MALRD1: variants seen among roughly 807,000 people sequenced by gnomAD.
The protein encoded by MALRD1 is MAM and LDL-receptor class A domain-containing protein 1.
A neutral mutation model predicts 242.1 loss-of-function variants in MALRD1; 247 were observed. The ratio of observed to expected loss-of-function variants is 1.02; its 90% CI spans 0.92 to 1.13. MALRD1 has a LOEUF of 1.13. Among genes scored for constraint, MALRD1 ranks in the 50% most tolerant of loss-of-function variants. MALRD1 has a pLI of 0.00. For missense variants in MALRD1, 2,989 were observed against 2,533.1 expected (o/e 1.18, Z -3.86); for synonymous variants, 995 against 866.6 (o/e 1.15, Z -2.60).
chr10:19,312,883 G>A (rs1367479622), intron 21 of MALRD1, among the ~76,000 whole-genome samples: 1 of 151,486 alleles, frequency 6.6e-6, no homozygotes, highest in African/African-American at 2.4e-5. Context: ...ATGAAGGGCA[G>A]GGAAACGATC....
chr10:19,360,483 A>G (rs1363911236), intron 26 of MALRD1, among the ~76,000 whole-genome samples: 1 of 152,038 alleles, frequency 6.6e-6, no homozygotes, highest in Non-Finnish European at 1.5e-5. Flanking sequence ...TCATTATGGC[A>G]GCTAGATTGT....
At chr10:19,102,758 C>T (rs1030416347) in intron 4 of MALRD1, among the ~76,000 whole-genome samples, 1 of 152,120 alleles carries the variant, frequency 6.6e-6, no homozygotes, top group African/African-American at 2.4e-5. Flanking sequence ...CGGAGACTGG[C>T]TTCTTTTTAA....
At chr10:19,270,502 G>A (rs561034134) in intron 19 of MALRD1, among the ~76,000 whole-genome samples, 192 of 152,042 alleles carry the variant, frequency 1.3e-3, no homozygotes, top group Non-Finnish European at 1.7e-3. Flanking sequence ...GCTTAAAAAG[G>A]GGAAATCTCC....
At chr10:19,247,490 G>T (rs1839112442) in intron 18 of MALRD1, among the ~76,000 whole-genome samples, 1 of 151,770 alleles carries the variant, frequency 6.6e-6, no homozygotes, top group Admixed American at 6.6e-5. Context: ...ATGCCTTATT[G>T]TAAGGAGAAA....
At chr10:19,703,855 A>G (rs186435735) in intron 38 of MALRD1, among the ~76,000 whole-genome samples, 1 of 152,224 alleles carries the variant, frequency 6.6e-6, no homozygotes, top group Non-Finnish European at 1.5e-5. Context: ...AGATTGTGCC[A>G]CTGCACTCCA....
chr10:19,533,187 T>C (rs1037411559), intron 32 of MALRD1, among the ~76,000 whole-genome samples: 2 of 152,208 alleles, frequency 1.3e-5, no homozygotes, highest in African/African-American at 4.8e-5. Flanking sequence ...TTCAGTTCCT[T>C]AGTTACCCAG....
intron 14 of MALRD1, among the ~76,000 whole-genome samples, chr10:19,175,733 CA>C (rs1835204589): frequency 6.6e-6 from 1 of 151,636 alleles, no homozygotes; most frequent in Non-Finnish European, 1.5e-5. Context: ...TCAAAAAAAG[CA>C]AAAAGGTTGT....
At chr10:19,162,046 A>C (rs1834450827) in intron 12 of MALRD1, among the ~76,000 whole-genome samples, 1 of 151,878 alleles carries the variant, frequency 6.6e-6, no homozygotes, top group Non-Finnish European at 1.5e-5. Context: ...CAACAACAGC[A>C]ACAACAACAA....
chr10:19,654,167 TC>T (rs1364992973), intron 36 of MALRD1, among the ~76,000 whole-genome samples: 6 of 152,074 alleles, frequency 3.9e-5, no homozygotes, highest in Admixed American at 3.3e-4. Flanking sequence ...AGCACTGCCA[TC>T]TACCTGGCAG....
intron 18 of MALRD1, among the ~76,000 whole-genome samples, chr10:19,247,132 A>G (rs1411634157): frequency 6.6e-6 from 1 of 152,012 alleles, no homozygotes; most frequent in African/African-American, 2.4e-5. Context: ...CTAGGATCTC[A>G]TGAACTGAAG....
intron 17 of MALRD1, among the ~76,000 whole-genome samples, chr10:19,207,607 T>A (rs887285462): frequency 4.9e-4 from 74 of 152,246 alleles, no homozygotes; most frequent in African/African-American, 1.7e-3. Flanking sequence ...TTCAAGCGAT[T>A]CTCCTGCCTC....
intron 29 of MALRD1, among the ~76,000 whole-genome samples, chr10:19,476,939 T>C (rs200568784): frequency 7.0e-6 from 1 of 142,402 alleles, no homozygotes; most frequent in South Asian, 2.3e-4. Context: ...TTAAAAAAAA[T>C]ATTTTCTACT....
rs114903807 is a variant in MALRD1, at chr10:19,640,056, A to G, written c.6137+24133A>G. Among the ~76,000 whole-genome samples the G allele has an allele frequency of 9.3e-3, 1,411 of 152,236 alleles. 19 individuals carry two copies. Among genetic ancestry groups the G allele is most frequent in the African/African-American group, 0.032 (1,320 of 41,566 alleles). ...CTCCCCATTGACTGTGAGGCCCACC[A>G]TGGGGGAAGGGATGCTTCATTGTCT... On this transcript the variant is annotated intron_variant, in intron 36 of 39. Coordinates refer to ENST00000454679, the MANE Select transcript of MALRD1 (RefSeq NM_001142308.3).
chr10:19,151,144 T>C (rs1264999222), intron 11 of MALRD1, among the ~76,000 whole-genome samples: 1 of 152,172 alleles, frequency 6.6e-6, no homozygotes. Context: ...TACAATGATT[T>C]CTCATATGTA....
At chr10:19,121,468 G>A (rs184771093) in intron 5 of MALRD1, among the ~76,000 whole-genome samples, 56 of 152,334 alleles carry the variant, frequency 3.7e-4, no homozygotes, top group Non-Finnish European at 4.3e-4. Context: ...ACTGGTGTTT[G>A]AGTCAGTGTG....
intron 1 of MALRD1, among the ~76,000 whole-genome samples, chr10:19,062,265 A>G (rs1834844922): frequency 6.6e-6 from 1 of 152,200 alleles, no homozygotes. Flanking sequence ...CATCCAAAAA[A>G]TCTCCTAGAA....
chr10:19,144,540 AGATGCTTT>A lies in MALRD1; in HGVS notation c.1412-1654_1412-1647del, dbSNP rs370683390. Among the ~76,000 whole-genome samples the A allele has an allele frequency of 4.3e-4, 65 of 152,348 alleles. 1 individual carries two copies. Among genetic ancestry groups the A allele is most frequent in the African/African-American group, 1.3e-3 (54 of 41,588 alleles). On this transcript the variant is annotated intron_variant, in intron 10 of 39. Transcript: ENST00000454679. ...AGGTGTCCCTATTACAGAGACTTGA[AGATGCTTT>A]GATTATTAAGATATAGTGAGCTTAT...
chr10:19,306,398 G>A lies in MALRD1; in HGVS notation c.3420-17551G>A, dbSNP rs188593985. ...TACCGTGTATAGTATATATAGTGTC[G>A]TATATGTACCGTGTATAGTATATAT... On this transcript the variant is annotated intron_variant, in intron 21 of 39. Transcript: ENST00000454679. 2.0e-3 allele frequency among the ~76,000 whole-genome samples: 197 copies of A among 98,260 alleles called. 2 individuals carry two copies. Among genetic ancestry groups the A allele is most frequent in the Non-Finnish European group, 3.2e-3 (148 of 46,128 alleles). The allele number at this position is 98,260 out of a possible 152,430, so 64.5% of individuals were successfully genotyped here.
intron 21 of MALRD1, among the ~76,000 whole-genome samples, chr10:19,311,588 T>A (rs1842425675): frequency 6.6e-6 from 1 of 151,484 alleles, no homozygotes; most frequent in Non-Finnish European, 1.5e-5. Flanking sequence ...ATTTTAATAT[T>A]TTTATCAATA....
Sources: allele counts gnomAD v4.1 joint callset (sites outside exome capture counted in the v4.1 genomes callset), GRCh38; gene constraint gnomAD v4.1.1; transcripts MANE v1.5; gene names NCBI Gene and HGNC (gene_info 2026-07-23, HGNC 2026-07-21).